ST6GALNAC3: variants seen among roughly 807,000 people sequenced by gnomAD.
The protein encoded by ST6GALNAC3 is alpha-N-acetylgalactosaminide alpha-2,6-sialyltransferase 3.
A neutral mutation model predicts 32.7 loss-of-function variants in ST6GALNAC3; 25 were observed. The observed-to-expected ratio is 0.76, with a 90% CI of 0.56 to 1.07. ST6GALNAC3 has a LOEUF of 1.07. ST6GALNAC3 is among the 50% of genes least tolerant of loss of function. The pLI is 0.00. For missense variants in ST6GALNAC3, 355 were observed against 382.4 expected (o/e 0.93, Z 0.60); for synonymous variants, 129 against 133.1 (o/e 0.97, Z 0.21).
chr1:76,381,883 T>C (rs1474418219), intron 2 of ST6GALNAC3, among the ~76,000 whole-genome samples: 11 of 152,130 alleles, frequency 7.2e-5, no homozygotes, highest in Non-Finnish European at 1.3e-4. Flanking sequence ...TTTGCAGATT[T>C]CTACACCACA....
At chr1:76,168,032 T>G (rs978567188) in intron 1 of ST6GALNAC3, among the ~76,000 whole-genome samples, 4 of 152,126 alleles carry the variant, frequency 2.6e-5, no homozygotes, top group Admixed American at 2.6e-4. Context: ...CTGCTAGCTT[T>G]GGGATTGTTT....
intron 1 of ST6GALNAC3, among the ~76,000 whole-genome samples, chr1:76,187,126 T>G (rs1233522787): frequency 6.6e-6 from 1 of 152,212 alleles, no homozygotes; most frequent in Non-Finnish European, 1.5e-5. Context: ...CCTTCTGATC[T>G]TCTTCTTAAT....
intron 1 of ST6GALNAC3, among the ~76,000 whole-genome samples, chr1:76,099,015 T>C (rs1647177627): frequency 6.6e-6 from 1 of 152,156 alleles, no homozygotes; most frequent in African/African-American, 2.4e-5. Context: ...GCATCTTTCA[T>C]TGAAAAGACT....
rs1661710283 is a variant in ST6GALNAC3 at position 76,509,637 on chromosome 1, T to C, written c.623+97220T>C. Among the ~76,000 whole-genome samples, 1 of 152,242 alleles carries C rather than the reference T, an allele frequency of 6.6e-6. No homozygotes were observed. The highest frequency in any genetic ancestry group is 2.1e-4 in the South Asian group (1 of 4,832). On this transcript the variant is annotated intron_variant, in intron 3 of 4. Transcript: ENST00000328299. This position sits in a 1 kb window ranked among gnomAD's most constrained non-coding sequence, Gnocchi z 5.5. ...ACAACACAAAGTTATTTTATACAGT[T>C]CGAAGTTAGAAGTCTAAAATGGGTT...
At chr1:76,479,557 C>T (rs145492703) in intron 3 of ST6GALNAC3, among the ~76,000 whole-genome samples, 108 of 152,246 alleles carry the variant, frequency 7.1e-4, no homozygotes, top group East Asian at 5.2e-3. Flanking sequence ...AGCCATCAAA[C>T]GGAGTAGAGA....
intron 2 of ST6GALNAC3, among the ~76,000 whole-genome samples, chr1:76,377,727 C>G (rs576149502): frequency 2.5e-4 from 38 of 152,270 alleles, no homozygotes; most frequent in African/African-American, 9.1e-4. Flanking sequence ...ATTTCTTAAA[C>G]TCTTTAGGTT....
At chr1:76,231,328 A>T (rs867887541) in intron 1 of ST6GALNAC3, among the ~76,000 whole-genome samples, 3 of 152,244 alleles carry the variant, frequency 2.0e-5, no homozygotes, top group Middle Eastern at 3.2e-3. Flanking sequence ...TTATTATTTT[A>T]TCGTTAATTG....
intron 3 of ST6GALNAC3, among the ~76,000 whole-genome samples, chr1:76,484,228 C>T (rs1254636142): frequency 2.0e-5 from 3 of 152,098 alleles, no homozygotes; most frequent in Non-Finnish European, 2.9e-5. Flanking sequence ...TCCATATGAA[C>T]TTTAAAGTAG....
At chr1:76,447,626 G>A (rs370072419) in intron 3 of ST6GALNAC3, among the ~76,000 whole-genome samples, 3 of 152,182 alleles carry the variant, frequency 2.0e-5, no homozygotes, top group South Asian at 4.2e-4. Flanking sequence ...CCAGGACACC[G>A]CCCCCTCCCC....
intron 3 of ST6GALNAC3, among the ~76,000 whole-genome samples, chr1:76,578,331 A>G (rs995998670): frequency 2.6e-5 from 4 of 152,052 alleles, no homozygotes; most frequent in East Asian, 1.9e-4. Context: ...GATGTAGTAA[A>G]CAATCAGTTG....
At chr1:76,322,236 T>G (rs1646980942) in intron 2 of ST6GALNAC3, among the ~76,000 whole-genome samples, 2 of 152,208 alleles carry the variant, frequency 1.3e-5, no homozygotes, top group African/African-American at 4.8e-5. Flanking sequence ...ATAGCTCTTC[T>G]CAAGCTGATG....
chr1:76,518,354 A>G (rs1262742061), intron 3 of ST6GALNAC3, among the ~76,000 whole-genome samples: 3 of 152,118 alleles, frequency 2.0e-5, no homozygotes, highest in African/African-American at 4.8e-5. Context: ...ATTATTATGT[A>G]TATCTGACAT....
At chr1:76,204,103 G>A (rs1005389650) in intron 1 of ST6GALNAC3, among the ~76,000 whole-genome samples, 3 of 152,020 alleles carry the variant, frequency 2.0e-5, no homozygotes, top group Non-Finnish European at 4.4e-5. Flanking sequence ...ATCTTCATGA[G>A]ATCCACTTTT....
chr1:76,470,865 A>G (rs1242853265), intron 3 of ST6GALNAC3, among the ~76,000 whole-genome samples: 1 of 152,078 alleles, frequency 6.6e-6, no homozygotes, highest in African/African-American at 2.4e-5. Context: ...TACCAGAAGT[A>G]GAAATTGGAT....
At chr1:76,128,301 C>T (rs1649388719) in intron 1 of ST6GALNAC3, among the ~76,000 whole-genome samples, 1 of 152,190 alleles carries the variant, frequency 6.6e-6, no homozygotes, top group Non-Finnish European at 1.5e-5. Context: ...GAAGACTGTA[C>T]CCAGGCTGCT....
At chr1:76,594,247 G>C (rs533154291) in intron 3 of ST6GALNAC3, among the ~76,000 whole-genome samples, 2 of 152,056 alleles carry the variant, frequency 1.3e-5, no homozygotes, top group African/African-American at 4.8e-5. Context: ...ATTTTTTTTA[G>C]AGACATAGCA....
At chr1:76,583,647 G>A (rs1208652224) in intron 3 of ST6GALNAC3, among the ~76,000 whole-genome samples, 2 of 152,058 alleles carry the variant, frequency 1.3e-5, no homozygotes, top group South Asian at 2.1e-4. Context: ...AGTGCCTGCC[G>A]CTGTATAATG....
chr1:76,460,680 CA>C (rs1178381015), intron 3 of ST6GALNAC3, among the ~76,000 whole-genome samples: 1 of 152,138 alleles, frequency 6.6e-6, no homozygotes, highest in Non-Finnish European at 1.5e-5. Flanking sequence ...TCTTTATTTG[CA>C]TTAACAATTG....
At chr1:76,247,620 G>C (rs1657347434) in intron 1 of ST6GALNAC3, among the ~76,000 whole-genome samples, 1 of 152,172 alleles carries the variant, frequency 6.6e-6, no homozygotes, top group African/African-American at 2.4e-5. Flanking sequence ...CCTTAGCACT[G>C]TCAGGGGAAG....
Sources: allele counts gnomAD v4.1 joint callset (sites outside exome capture counted in the v4.1 genomes callset), GRCh38; gene constraint gnomAD v4.1.1; non-coding constraint Gnocchi (gnomAD v3.1); transcripts MANE v1.5; gene names NCBI Gene and HGNC (gene_info 2026-07-23, HGNC 2026-07-21).